The following CDYL2 variants were observed in gnomAD, a reference collection of about 807,000 sequenced individuals.
CDYL2 encodes the protein chromodomain Y-like protein 2.
A neutral mutation model predicts 49.4 loss-of-function variants in CDYL2; 23 were observed. That is an observed-to-expected ratio of 0.47 (90% CI 0.34 to 0.66). The LOEUF is 0.66. Among genes scored for constraint, CDYL2 ranks in the 30% least tolerant of loss-of-function variants. The pLI, the probability that CDYL2 is intolerant of heterozygous loss-of-function variation, is 0.01. For missense variants in CDYL2, 678 were observed against 656.4 expected (o/e 1.03, Z -0.36); for synonymous variants, 360 against 268.8 (o/e 1.34, Z -3.32).
intron 1 of CDYL2, among the ~76,000 whole-genome samples, chr16:80,798,308 G>A (rs1430145488): frequency 6.6e-6 from 1 of 152,164 alleles, no homozygotes; most frequent in South Asian, 2.1e-4. Context: ...CTCCCACAGT[G>A]CTGGGATTAC....
chr16:80,641,431 CAT>C (rs1908080862), intron 2 of CDYL2, among the ~76,000 whole-genome samples: 1 of 152,012 alleles, frequency 6.6e-6, no homozygotes. Context: ...AAGACTTTCC[CAT>C]ACAAACAAAA....
chr16:80,687,669 T>C (rs896049222), intron 1 of CDYL2, among the ~76,000 whole-genome samples: 1 of 152,150 alleles, frequency 6.6e-6, no homozygotes, highest in Non-Finnish European at 1.5e-5. Flanking sequence ...CTTATCAAAA[T>C]GGCATTAGCA....
At chr16:80,689,652 T>G (rs1910333103) in intron 1 of CDYL2, among the ~76,000 whole-genome samples, 8 of 152,112 alleles carry the variant, frequency 5.3e-5, no homozygotes, top group Admixed American at 5.2e-4. Flanking sequence ...GAACGGATAC[T>G]GAGGAAGGAA....
intron 4 of CDYL2, among the ~76,000 whole-genome samples, chr16:80,617,285 G>A (rs1906874655): frequency 6.6e-6 from 1 of 152,240 alleles, no homozygotes; most frequent in Non-Finnish European, 1.5e-5. Flanking sequence ...CATGCGGCAT[G>A]CCTGGTCAGC....
At chr16:80,607,518 C>T (rs1453761963) in intron 6 of CDYL2, among the ~76,000 whole-genome samples, 2 of 152,212 alleles carry the variant, frequency 1.3e-5, no homozygotes, top group African/African-American at 4.8e-5. Context: ...CTCCACCTTC[C>T]CACAGGATAT....
intron 2 of CDYL2, among the ~76,000 whole-genome samples, chr16:80,674,484 AC>A (rs1426645801): frequency 6.6e-6 from 1 of 152,064 alleles, no homozygotes; most frequent in African/African-American, 2.4e-5. Flanking sequence ...TATAAAATTC[AC>A]CCATATAAAG....
chr16:80,653,251 A>C (rs886078788), intron 2 of CDYL2, among the ~76,000 whole-genome samples: 1 of 152,204 alleles, frequency 6.6e-6, no homozygotes, highest in Non-Finnish European at 1.5e-5. Flanking sequence ...GGATCACCTG[A>C]GGTCAGGAGT....
chr16:80,645,193 T>G (rs1209730803), intron 2 of CDYL2, among the ~76,000 whole-genome samples: 1 of 151,924 alleles, frequency 6.6e-6, no homozygotes, highest in African/African-American at 2.4e-5. Context: ...ACCATCAGAG[T>G]GAACAGGCCA....
At chr16:80,676,898 C>T (rs1232919478) in intron 2 of CDYL2, among the ~76,000 whole-genome samples, 1 of 151,836 alleles carries the variant, frequency 6.6e-6, no homozygotes, top group African/African-American at 2.4e-5. Flanking sequence ...CCTGCAAAAC[C>T]CTCTGGGCCT....
At chr16:80,787,424 G>A (rs959260575) in intron 1 of CDYL2, among the ~76,000 whole-genome samples, 2 of 152,090 alleles carry the variant, frequency 1.3e-5, no homozygotes, top group South Asian at 2.1e-4. Flanking sequence ...TCCTTAGGAA[G>A]TTTCCTAGGA....
At chr16:80,616,355 T>C (rs547870126) in intron 4 of CDYL2, among the ~76,000 whole-genome samples, 7 of 152,294 alleles carry the variant, frequency 4.6e-5, no homozygotes, top group Admixed American at 6.5e-5. Flanking sequence ...CTGCTGCTAT[T>C]ATTATGGGTA....
chr16:80,776,589 T>C (rs1907090442), intron 1 of CDYL2, among the ~76,000 whole-genome samples: 1 of 150,032 alleles, frequency 6.7e-6, no homozygotes, highest in South Asian at 2.1e-4. Flanking sequence ...GTAATTTTTG[T>C]ATCTGTATAT....
chr16:80,625,242 C>G (rs1121651), intron 3 of CDYL2, among the ~76,000 whole-genome samples: 63,821 of 152,042 alleles, frequency 0.42, 15,539 homozygotes, highest in African/African-American at 0.68. Flanking sequence ...TCATTTTCTT[C>G]CCTTTTCCAG....
intron 1 of CDYL2, among the ~76,000 whole-genome samples, chr16:80,717,029 G>T (rs1381471601): frequency 6.6e-6 from 1 of 151,828 alleles, no homozygotes; most frequent in Non-Finnish European, 1.5e-5. Context: ...TGGATGGATG[G>T]ATGGATGGAT....
chr16:80,671,139 T>C (rs1461939047), intron 2 of CDYL2, among the ~76,000 whole-genome samples: 1 of 152,132 alleles, frequency 6.6e-6, no homozygotes, highest in Non-Finnish European at 1.5e-5. Flanking sequence ...CACCCTGGGC[T>C]CCTTATTAAT....
intron 2 of CDYL2, among the ~76,000 whole-genome samples, chr16:80,653,856 G>A (rs912371985): frequency 6.6e-6 from 1 of 152,204 alleles, no homozygotes; most frequent in African/African-American, 2.4e-5. Flanking sequence ...CAGGGATCAT[G>A]GGAGGATTGT....
At chr16:80,662,124 A>T (rs1909070191) in intron 2 of CDYL2, among the ~76,000 whole-genome samples, 1 of 152,192 alleles carries the variant, frequency 6.6e-6, no homozygotes, top group African/African-American at 2.4e-5. Context: ...CATACGTGAA[A>T]ACACTTGTTT....
intron 3 of CDYL2, 44 bp from the exon 4 acceptor site, chr16:80,620,979 T>C: frequency 2.0e-6 from 3 of 1,510,966 alleles, no homozygotes; most frequent in Non-Finnish European, 2.7e-6. Flanking sequence ...GTGTCTATCC[T>C]GTAAGCCTGG....
rs1907044736 is a variant in CDYL2, at chr16:80,620,784, G to A, written c.986C>T (p.Thr329Ile). ...TCACCTGATGGCTTCTGCAATCCGA[G>A]TGCTCTCCTTTCGCCGGTCGCTGGA... ...RLSSDRRKES[T>I]RIAEAIRDFV... Residue 329 changes from threonine (T) to isoleucine (I), a missense_variant, in exon 4 of 7, where the codon ACT becomes ATT. Physicochemically the swap from Thr to Ile is moderately conservative, Grantham distance 89 (BLOSUM62 -1). Transcript: ENST00000570137. 4.4e-6 allele frequency: 7 copies of A among 1,608,164 alleles called. No homozygotes were observed. Among genetic ancestry groups the A allele is most frequent in the Non-Finnish European group, 6.0e-6 (7 of 1,175,948 alleles).
Sources: gnomAD v4.1 joint callset for allele counts (sites outside exome capture counted in the v4.1 genomes callset) on GRCh38, gnomAD v4.1.1 for gene constraint, MANE v1.5 for transcripts, NCBI Gene and HGNC (gene_info 2026-07-23, HGNC 2026-07-21) for gene names.